Variants in ARHGAP18 observed in about 807,000 individuals in gnomAD.
ARHGAP18 encodes the protein rho GTPase-activating protein 18.
A neutral mutation model predicts 86.2 loss-of-function variants in ARHGAP18; 67 were observed. The ratio of observed to expected loss-of-function variants is 0.78; its 90% confidence interval spans 0.64 to 0.95. The LOEUF is 0.95. Among genes scored for constraint, ARHGAP18 ranks in the 40% least tolerant of loss-of-function variants. The probability of loss-of-function intolerance (pLI) is 0.00; values close to 1 mark genes in which losing one functional copy is unlikely to be tolerated. For synonymous variants in ARHGAP18, 283 were observed against 280.4 expected (o/e 1.01, Z -0.09); for missense variants, 691 against 780.4 (o/e 0.89, Z 1.37).
At chr6:129,635,553 TG>T (rs774619032) in intron 3 of ARHGAP18, among the ~76,000 whole-genome samples, 2 of 152,232 alleles carry the variant, frequency 1.3e-5, no homozygotes, top group African/African-American at 2.4e-5. Flanking sequence ...ACACATATTT[TG>T]GAGCATGTGG....
At position 129,710,169 on chromosome 6, in the gene ARHGAP18, G is replaced by C. The variant is rs1774886723; in HGVS notation, c.-33C>G. 4.6e-6 allele frequency: 7 copies of C among 1,537,178 alleles called. No homozygotes were observed. The highest frequency in any genetic ancestry group is 1.1e-5 in the South Asian group (1 of 88,830). Reference sequence around the variant, plus strand: ...GAAGGGACATACTTTCTGCGATCCTGACACAGAGAAGGGGAAAGAAGTTCC... The same window carrying C: ...GAAGGGACATACTTTCTGCGATCCTCACACAGAGAAGGGGAAAGAAGTTCC... On this transcript the variant is annotated 5_prime_UTR_variant, in exon 1 of 15. Transcript: ENST00000368149.
Position 129,638,473 on chromosome 6 carries a change from G to T in ARHGAP18, c.473C>A (p.Thr158Asn), listed in dbSNP as rs1445490841. Residue 158 changes from threonine to asparagine, a missense_variant, in exon 3 of 15, where the codon ACC becomes AAC. By Grantham distance (65) the Thr-to-Asn change is moderately conservative. Coordinates refer to ENST00000368149, the MANE Select transcript of ARHGAP18 (RefSeq NM_033515.3). Reference sequence around the variant, plus strand: ...GTACTGTTTGTTTTTTTTCCTCAAGGTCTGGGAGACCGTCTCTACTCGCTT... The same window carrying T: ...GTACTGTTTGTTTTTTTTCCTCAAGTTCTGGGAGACCGTCTCTACTCGCTT... ...VQKRVETVSQ[T>N]LRKKNKQYQI... 1 of 1,613,844 alleles carries T rather than the reference G, an allele frequency of 6.2e-7. No individual in the cohort carries two copies. The highest frequency in any genetic ancestry group is 2.2e-5 in the East Asian group (1 of 44,874).
At chr6:129,660,176 A>C (rs998064532) in intron 1 of ARHGAP18, among the ~76,000 whole-genome samples, 2 of 152,202 alleles carry the variant, frequency 1.3e-5, no homozygotes, top group African/African-American at 4.8e-5. Context: ...ACGACAATGG[A>C]AAGTTTTTAA....
At chr6:129,673,750 A>T (rs1182593353) in intron 1 of ARHGAP18, among the ~76,000 whole-genome samples, 1 of 152,220 alleles carries the variant, frequency 6.6e-6, no homozygotes, top group East Asian at 1.9e-4. Context: ...TCAAAAATCC[A>T]AAATAACAAC....
intron 1 of ARHGAP18, among the ~76,000 whole-genome samples, chr6:129,661,021 TAAAAAAAAA>T (rs34750408): frequency 8.2e-6 from 1 of 121,618 alleles, no homozygotes; most frequent in African/African-American, 3.0e-5. Flanking sequence ...ACAAAACCTT[TAAAAAAAAA>T]AAAAAAAACC....
intron 1 of ARHGAP18, among the ~76,000 whole-genome samples, chr6:129,691,385 A>G (rs750777210): frequency 6.6e-6 from 1 of 152,226 alleles, no homozygotes; most frequent in Non-Finnish European, 1.5e-5. Flanking sequence ...ATCTCCATGG[A>G]AAGATCTATC....
At chr6:129,684,558 G>A (rs774585672) in intron 1 of ARHGAP18, among the ~76,000 whole-genome samples, 2 of 152,170 alleles carry the variant, frequency 1.3e-5, no homozygotes, top group African/African-American at 4.8e-5. Flanking sequence ...TTAGAATGCT[G>A]TGTGTTAGTT....
At chr6:129,633,887 T>C (rs554390909) in intron 4 of ARHGAP18, among the ~76,000 whole-genome samples, 155 bp downstream of exon 4, 14 of 152,294 alleles carry the variant, frequency 9.2e-5, no homozygotes, top group African/African-American at 3.4e-4. Context: ...GCCAGCTATA[T>C]GCTCAGCCTC....
At chr6:129,683,748 C>A (rs1048617544) in intron 1 of ARHGAP18, among the ~76,000 whole-genome samples, 9 of 152,146 alleles carry the variant, frequency 5.9e-5, no homozygotes, top group East Asian at 1.9e-4. Context: ...AATGCAATAA[C>A]AAAGCAGCAA....
intron 1 of ARHGAP18, among the ~76,000 whole-genome samples, chr6:129,644,022 A>C (rs1773525602): frequency 6.6e-6 from 1 of 152,186 alleles, no homozygotes; most frequent in Admixed American, 6.5e-5. Flanking sequence ...TTGATTACAA[A>C]CTTTATTAAT....
At chr6:129,597,637 G>C (rs1788641239) in intron 12 of ARHGAP18, among the ~76,000 whole-genome samples, 1 of 151,928 alleles carries the variant, frequency 6.6e-6, no homozygotes, top group East Asian at 1.9e-4. Flanking sequence ...CCAGCTCCCT[G>C]ACTCCCTGGG....
intron 1 of ARHGAP18, among the ~76,000 whole-genome samples, chr6:129,671,283 T>C (rs897227568): frequency 8.5e-5 from 13 of 152,238 alleles, no homozygotes; most frequent in Non-Finnish European, 1.8e-4. Flanking sequence ...GTCAACTGTT[T>C]ATTATATTTA....
chr6:129,668,724 G>A (rs1774090597), intron 1 of ARHGAP18, among the ~76,000 whole-genome samples: 1 of 151,952 alleles, frequency 6.6e-6, no homozygotes, highest in Non-Finnish European at 1.5e-5. Context: ...CTTCCCTAAC[G>A]CCCACACTGC....
At chr6:129,592,571 C>T (rs1179634558) in intron 12 of ARHGAP18, among the ~76,000 whole-genome samples, 1 of 152,180 alleles carries the variant, frequency 6.6e-6, no homozygotes, top group East Asian at 1.9e-4. Flanking sequence ...TAACATTAAC[C>T]CTATGAGAGA....
intron 2 of ARHGAP18, among the ~76,000 whole-genome samples, chr6:129,640,148 C>T (rs1001914263): frequency 3.4e-5 from 5 of 147,334 alleles, no homozygotes; most frequent in South Asian, 2.2e-4. Flanking sequence ...AGAAAAAAAA[C>T]CTGATATTGT....
chr6:129,674,901 T>C (rs572891675), intron 1 of ARHGAP18, among the ~76,000 whole-genome samples: 1 of 152,178 alleles, frequency 6.6e-6, no homozygotes, highest in Non-Finnish European at 1.5e-5. Context: ...GAATCTATGA[T>C]TATTTCACAA....
intron 1 of ARHGAP18, among the ~76,000 whole-genome samples, chr6:129,666,716 T>A (rs998438272): frequency 6.6e-6 from 1 of 152,178 alleles, no homozygotes; most frequent in African/African-American, 2.4e-5. Flanking sequence ...TACCTGCACA[T>A]ACAGACACCA....
chr6:129,580,080 T>C lies in ARHGAP18; in HGVS notation c.1890A>G (p.Gly630=), dbSNP rs1584016678. ...AAAAAAAGTGCTTACCAATATTTCC[T>C]CCAATTTCATACAAAAAAACTTCTC... ...KKGEVFLYEI[G]GNIGERCLDD... Residue 630 remains glycine (G), a synonymous_variant, in exon 14 of 15, where the codon GGA becomes GGG. Coordinates refer to ENST00000368149, the MANE Select transcript of ARHGAP18 (RefSeq NM_033515.3). 2 of 1,613,290 alleles carry C rather than the reference T, an allele frequency of 1.2e-6. No individual in the cohort carries two copies. The highest frequency in any genetic ancestry group is 1.7e-6 in the Non-Finnish European group (2 of 1,179,428).
intron 10 of ARHGAP18, among the ~76,000 whole-genome samples, chr6:129,604,488 G>A (rs930904602): frequency 3.9e-5 from 6 of 152,204 alleles, no homozygotes; most frequent in Middle Eastern, 6.8e-3. Context: ...TGATAGGGTC[G>A]TCAATGAGTA....
Sources: gnomAD v4.1 joint callset for allele counts (sites outside exome capture counted in the v4.1 genomes callset) on GRCh38, gnomAD v4.1.1 for gene constraint, MANE v1.5 for transcripts, NCBI Gene and HGNC (gene_info 2026-07-23, HGNC 2026-07-21) for gene names.